Variants in PLEK observed in about 807,000 individuals in gnomAD.
PLEK encodes the protein pleckstrin, also known as platelet 47 kDa protein.
Under a neutral mutation model 43.9 loss-of-function variants are expected in PLEK, and 25 were observed. That is an observed-to-expected ratio of 0.57 (90% CI 0.41 to 0.79). PLEK has a LOEUF of 0.79. Among genes scored for constraint, PLEK ranks in the 30% least tolerant of loss-of-function variants. The probability of loss-of-function intolerance (pLI) is 0.00; values close to 1 mark genes in which losing one functional copy is unlikely to be tolerated. For synonymous variants in PLEK, 152 were observed against 144.4 expected (o/e 1.05, Z -0.38); for missense variants, 396 against 413.3 (o/e 0.96, Z 0.36).
chr2:68,390,004 C>T (rs1673828139), intron 6 of PLEK, among the ~76,000 whole-genome samples: 1 of 149,818 alleles, frequency 6.7e-6, no homozygotes, highest in African/African-American at 2.5e-5. Context: ...AAACCCTAAT[C>T]TAGAATGGGG....
In PLEK at chr2:68,380,411, C is replaced by T. The variant is rs751518686; in HGVS notation, c.126C>T (p.Asn42=). 1.2e-6 allele frequency: 2 copies of T among 1,613,758 alleles called. No homozygotes were observed. The highest frequency in any genetic ancestry group is 1.7e-6 in the Non-Finnish European group (2 of 1,179,660). Reference sequence around the variant, plus strand: ...AATTCTATAAGAAGAAAAGTGACAACAGCCCCAAAGGAATGATCCCGCTGA... The same window carrying T: ...AATTCTATAAGAAGAAAAGTGACAATAGCCCCAAAGGAATGATCCCGCTGA... ...GIEFYKKKSD[N]SPKGMIPLKG... is the part of the protein sequence containing the mutation. The change falls in exon 2 of 9, where the codon AAC becomes AAT. Residue 42 remains asparagine, a synonymous_variant. Transcript: ENST00000234313.
intron 1 of PLEK, among the ~76,000 whole-genome samples, chr2:68,365,743 G>A (rs943997964): frequency 6.6e-6 from 1 of 152,110 alleles, no homozygotes; most frequent in Non-Finnish European, 1.5e-5. Flanking sequence ...GAGGTTTCTT[G>A]GAGGGACTAT....
chr2:68,388,290 C>A, intron 5 of PLEK, 97 bp from the exon 6 acceptor site: 1 of 727,664 alleles, frequency 1.4e-6, no homozygotes, highest in Non-Finnish European at 2.5e-6. Context: ...AAGGAGGAGG[C>A]TGCCCTCATG....
intron 1 of PLEK, among the ~76,000 whole-genome samples, chr2:68,374,075 C>T (rs1261505552): frequency 6.6e-6 from 1 of 152,202 alleles, no homozygotes; most frequent in Admixed American, 6.5e-5. Flanking sequence ...TTTGCTTTGT[C>T]TCTCCCTATC....
At position 68,396,812 on chromosome 2, in the gene PLEK, AACTACTGGCCAGCTCACTG is replaced by A. The variant is rs1022059388; in HGVS notation, c.*997_*1015del. ...GCAGCTGCAGCAAGTGGAGGGGCTG[AACTACTGGCCAGCTCACTG>A]GATGATGGGTTAATACAACAACTGC... is the stretch of plus-strand genomic sequence containing the variant. On this transcript the variant is annotated 3_prime_UTR_variant, in exon 9 of 9. Coordinates refer to ENST00000234313, the MANE Select transcript of PLEK (RefSeq NM_002664.3). 4 of 152,312 alleles carry A rather than the reference AACTACTGGCCAGCTCACTG, an allele frequency of 2.6e-5. No homozygotes were observed. The highest frequency in any genetic ancestry group is 9.6e-5 in the African/African-American group (4 of 41,454). 9.4% of individuals were successfully genotyped at this position (152,312 alleles called of 1,614,324 possible). A position where few individuals can be genotyped will look rare whatever the true frequency, so the allele number is the denominator to read the frequency against.
At chr2:68,373,299 G>A (rs1018171728) in intron 1 of PLEK, among the ~76,000 whole-genome samples, 5 of 152,020 alleles carry the variant, frequency 3.3e-5, no homozygotes, top group Non-Finnish European at 5.9e-5. Context: ...GATTTCTCTT[G>A]TTTCATAAAG....
At chr2:68,373,442 ATGT>A (rs1673446505) in intron 1 of PLEK, among the ~76,000 whole-genome samples, 1 of 151,944 alleles carries the variant, frequency 6.6e-6, no homozygotes, top group Admixed American at 6.6e-5. Context: ...TACATGTGCC[ATGT>A]TGTTGTGCTG....
Position 68,393,152 on chromosome 2 carries a change from C to T in PLEK, c.763-10C>T, listed in dbSNP as rs779375527. 6.3e-7 allele frequency: 1 copy of T among 1,578,174 alleles called. No homozygotes were observed. Among genetic ancestry groups the T allele is most frequent in the Non-Finnish European group, 8.7e-7 (1 of 1,147,502 alleles). On this transcript the variant is annotated splice_polypyrimidine_tract_variant and intron_variant, in intron 6 of 8. Transcript: ENST00000234313. ...ACCATCCCTTCTTTTAATGTTGATC[C>T]TGGATACAGGGGCATAGAAGGAAAA... is the stretch of plus-strand genomic sequence containing the variant.
At chr2:68,366,989 A>G (rs1673287516) in intron 1 of PLEK, among the ~76,000 whole-genome samples, 1 of 152,224 alleles carries the variant, frequency 6.6e-6, no homozygotes, top group African/African-American at 2.4e-5. Flanking sequence ...AAGCTGTCTC[A>G]CTAAAAATTG....
At position 68,382,428 on chromosome 2, in the gene PLEK, G is replaced by A; in HGVS notation, c.381-114G>A. ...ATTAAGCTCAGGGGATACCTGGGGT[G>A]GGGGAGCTTGTGCTCACCTCCCAGA... On this transcript the variant is annotated intron_variant, in intron 3 of 8. Coordinates refer to ENST00000234313, the MANE Select transcript of PLEK (RefSeq NM_002664.3). The A allele has an allele frequency of 1.1e-5, 7 of 637,200 alleles. 1 individual carries two copies. The highest frequency in any genetic ancestry group is 1.9e-5 in the Non-Finnish European group (7 of 359,804). The allele number at this position is 637,200 out of a possible 1,614,324, so 39.5% of individuals were successfully genotyped here.
intron 1 of PLEK, among the ~76,000 whole-genome samples, chr2:68,365,826 G>A (rs1011378034): frequency 2.0e-5 from 3 of 152,096 alleles, no homozygotes; most frequent in Admixed American, 2.0e-4. Context: ...TGATTAAAGA[G>A]TTGATATAAT....
At chr2:68,380,304 C>T (rs1299979315) in intron 1 of PLEK, 24 bp from the exon 2 acceptor site, 6 of 1,591,656 alleles carry the variant, frequency 3.8e-6, no homozygotes, top group Non-Finnish European at 5.2e-6. Context: ...CTGTCCATCT[C>T]AGCTCTTTTG....
chr2:68,389,481 A>G (rs1002073773), intron 6 of PLEK, among the ~76,000 whole-genome samples: 3 of 152,154 alleles, frequency 2.0e-5, no homozygotes, highest in Non-Finnish European at 2.9e-5. Context: ...TTAGTGATTA[A>G]TGGAATGGGC....
chr2:68,376,111 C>T (rs1673495709), intron 1 of PLEK, among the ~76,000 whole-genome samples: 1 of 152,142 alleles, frequency 6.6e-6, no homozygotes, highest in Non-Finnish European at 1.5e-5. Context: ...GGGTGCATGC[C>T]ACCACTTATG....
intron 6 of PLEK, among the ~76,000 whole-genome samples, chr2:68,390,504 T>C (rs1287749006): frequency 3.9e-5 from 6 of 152,250 alleles, no homozygotes; most frequent in Non-Finnish European, 7.3e-5. Context: ...TCTTTTACAA[T>C]ATTCTTTCCT....
intron 1 of PLEK, among the ~76,000 whole-genome samples, chr2:68,367,414 C>A (rs1673301264): frequency 6.6e-6 from 1 of 152,176 alleles, no homozygotes; most frequent in Admixed American, 6.5e-5. Flanking sequence ...CTGATCCTCT[C>A]CCTTCTCCAA....
chr2:68,395,659 A>C (rs373081202), intron 8 of PLEK, 21 bp from the exon 9 acceptor site: 3 of 1,613,970 alleles, frequency 1.9e-6, no homozygotes, highest in Middle Eastern at 1.7e-4. Context: ...GCGTGCTGCC[A>C]TTTGCCTTCT....
chr2:68,376,846 T>A (rs778635296), intron 1 of PLEK, among the ~76,000 whole-genome samples: 3 of 152,170 alleles, frequency 2.0e-5, no homozygotes, highest in Non-Finnish European at 2.9e-5. Flanking sequence ...TGCTATGAAA[T>A]CATAGGTCTC....
chr2:68,395,978 T>C lies in PLEK; in HGVS notation c.*162T>C. 1 of 641,746 alleles carries C rather than the reference T, an allele frequency of 1.6e-6. No individual in the cohort carries two copies. Among genetic ancestry groups the C allele is most frequent in the Non-Finnish European group, 2.8e-6 (1 of 355,992 alleles). The allele number at this position is 641,746 out of a possible 1,614,324, so 39.8% of individuals were successfully genotyped here. ...GTAACTCACCATGTGGTGTGCAAGG[T>C]TCCCCTGCATTGTATTGCTCACTGC... On this transcript the variant is annotated 3_prime_UTR_variant, in exon 9 of 9. Coordinates refer to ENST00000234313, the MANE Select transcript of PLEK (RefSeq NM_002664.3).
Sources: gnomAD v4.1 joint callset for allele counts (sites outside exome capture counted in the v4.1 genomes callset) on GRCh38, gnomAD v4.1.1 for gene constraint, MANE v1.5 for transcripts, NCBI Gene and HGNC (gene_info 2026-07-23, HGNC 2026-07-21) for gene names.